The following SSBP3 variants were observed in gnomAD, a reference collection of about 807,000 sequenced individuals.
The protein encoded by SSBP3 is single-stranded DNA-binding protein 3.
Under a neutral mutation model 69.6 loss-of-function variants are expected in SSBP3, and 5 were observed. The observed-to-expected ratio is 0.07, with a 90% CI of 0.04 to 0.15. The LOEUF (loss-of-function observed/expected upper bound fraction) is 0.15. SSBP3 is among the 10% of genes least tolerant of loss of function. The pLI is 1.00. For missense variants in SSBP3, 312 were observed against 534.0 expected (o/e 0.58, Z 4.10); for synonymous variants, 196 against 193.4 (o/e 1.01, Z -0.11).
At chr1:54,394,939 G>A (rs1286252950) in intron 4 of SSBP3, among the ~76,000 whole-genome samples, 1 of 151,600 alleles carries the variant, frequency 6.6e-6, no homozygotes, top group Non-Finnish European at 1.5e-5. Context: ...TCCTGAACTC[G>A]TGATCCGCCA....
rs1317573817 is a variant in SSBP3 at position 54,405,946 on chromosome 1, G to A, written c.56+7C>T. On this transcript the variant is annotated splice_region_variant and intron_variant, in intron 1 of 17. Transcript: ENST00000610401. ...GGCGCGGCCGCCACTTGCAAAATAGGGCTTACTTTTCCCGAGCCTGCCCAT... is the reference window on the plus strand; with the variant it reads ...GGCGCGGCCGCCACTTGCAAAATAGAGCTTACTTTTCCCGAGCCTGCCCAT... 6.5e-6 allele frequency: 9 copies of A among 1,387,108 alleles called. No individual in the cohort carries two copies. The Middle Eastern group carries it at 8.3e-4, about 128-fold the overall frequency. 85.9% of individuals were successfully genotyped at this position (1,387,108 alleles called of 1,614,324 possible). A position where few individuals can be genotyped will look rare whatever the true frequency, so the allele number is the denominator to read the frequency against.
At chr1:54,278,964 C>T (rs916769521) in intron 5 of SSBP3, among the ~76,000 whole-genome samples, 1 of 152,226 alleles carries the variant, frequency 6.6e-6, no homozygotes, top group African/African-American at 2.4e-5. Flanking sequence ...CAGCCAGTAC[C>T]TCCTTCCAGA....
chr1:54,411,674 C>T (rs979974956), intron 1 of SSBP3, among the ~76,000 whole-genome samples: 7 of 151,556 alleles, frequency 4.6e-5, no homozygotes, highest in East Asian at 2.0e-4. Flanking sequence ...AGGCAGATCG[C>T]GAGGTCAGGA....
intron 5 of SSBP3, among the ~76,000 whole-genome samples, chr1:54,268,294 C>G (rs1645136077): frequency 6.6e-6 from 1 of 152,282 alleles, no homozygotes; most frequent in Admixed American, 6.5e-5. Context: ...CATCCCACTT[C>G]TGCCCGCCGG....
intron 4 of SSBP3, among the ~76,000 whole-genome samples, chr1:54,370,417 A>G (rs1025990081): frequency 6.6e-6 from 1 of 152,214 alleles, no homozygotes; most frequent in African/African-American, 2.4e-5. Context: ...GGGTTGGCAG[A>G]AAAAGAGTTA....
chr1:54,271,544 A>G (rs1297433597), intron 5 of SSBP3, among the ~76,000 whole-genome samples: 1 of 152,216 alleles, frequency 6.6e-6, no homozygotes, highest in East Asian at 1.9e-4. Context: ...CCAGGATCAC[A>G]CTGCCAGCCA....
chr1:54,239,352 T>C (rs943875425), intron 13 of SSBP3, among the ~76,000 whole-genome samples, 153 bp from the exon 14 acceptor site: 1 of 152,218 alleles, frequency 6.6e-6, no homozygotes, highest in Non-Finnish European at 1.5e-5. Context: ...TTAATGAAGA[T>C]TCACAAAGTT....
At chr1:54,391,046 TGGCACA>T (rs1248742505) in intron 4 of SSBP3, among the ~76,000 whole-genome samples, 5 of 152,244 alleles carry the variant, frequency 3.3e-5, no homozygotes, top group Admixed American at 2.0e-4. Flanking sequence ...TCCTAAAGGA[TGGCACA>T]GACACAGACA....
intron 4 of SSBP3, among the ~76,000 whole-genome samples, chr1:54,302,590 T>C (rs1645823018): frequency 6.6e-6 from 1 of 152,218 alleles, no homozygotes. Flanking sequence ...CTCTAGCTTT[T>C]AAGCACCCTA....
chr1:54,290,793 G>A (rs1238407751), intron 4 of SSBP3, among the ~76,000 whole-genome samples: 1 of 152,218 alleles, frequency 6.6e-6, no homozygotes, highest in Non-Finnish European at 1.5e-5. Flanking sequence ...TGCAAGACAA[G>A]GAAGATTAAG....
chr1:54,295,897 T>A (rs993840993), intron 4 of SSBP3, among the ~76,000 whole-genome samples: 4 of 152,196 alleles, frequency 2.6e-5, no homozygotes, highest in African/African-American at 9.7e-5. Context: ...CACCCTCCAA[T>A]CCTATATGAG....
intron 4 of SSBP3, among the ~76,000 whole-genome samples, chr1:54,296,346 T>C (rs573332601): frequency 7.0e-4 from 106 of 152,396 alleles, no homozygotes; most frequent in African/African-American, 2.4e-3. Flanking sequence ...AGGACCATTC[T>C]TGACAAGGTC....
At chr1:54,337,661 A>T (rs1646534602) in intron 4 of SSBP3, among the ~76,000 whole-genome samples, 1 of 151,116 alleles carries the variant, frequency 6.6e-6, no homozygotes. Context: ...ACACCCGACT[A>T]ATTTTTGTAT....
chr1:54,282,199 T>TG (rs1203143500), intron 4 of SSBP3, among the ~76,000 whole-genome samples: 2 of 152,348 alleles, frequency 1.3e-5, no homozygotes, highest in South Asian at 4.1e-4. Context: ...TGGCATTATA[T>TG]GGCCCTGGGC....
At chr1:54,383,826 G>A (rs781066088) in intron 4 of SSBP3, among the ~76,000 whole-genome samples, 5 of 152,110 alleles carry the variant, frequency 3.3e-5, no homozygotes, top group African/African-American at 4.8e-5. Context: ...GCAAGAACCG[G>A]CCGGGCACGG....
Position 54,273,941 on chromosome 1 carries a change from AC to A in SSBP3, c.366+7496del, listed in dbSNP as rs139747016. ...TGGAGCCCAGCAGTTGGGGCGCCCCACCTCCTCTCTAATCCTTCTCAGCAGG... is the reference window on the plus strand; with the variant it reads ...TGGAGCCCAGCAGTTGGGGCGCCCCACTCCTCTCTAATCCTTCTCAGCAGG... On this transcript the variant is annotated intron_variant, in intron 5 of 17. Coordinates refer to ENST00000610401, the Ensembl canonical transcript of SSBP3. 2.3e-3 allele frequency among the ~76,000 whole-genome samples: 346 copies of A among 152,070 alleles called. 1 individual carries two copies. Among genetic ancestry groups the A allele is most frequent in the African/African-American group, 7.7e-3 (318 of 41,498 alleles).
chr1:54,402,340 T>G (rs1037179773), intron 3 of SSBP3, among the ~76,000 whole-genome samples: 5 of 152,198 alleles, frequency 3.3e-5, no homozygotes, highest in African/African-American at 1.2e-4. Context: ...GAATCCATAC[T>G]GTTCTAATCT....
chr1:54,282,228 C>CT (rs1317956345), intron 4 of SSBP3, among the ~76,000 whole-genome samples: 4 of 152,228 alleles, frequency 2.6e-5, no homozygotes, highest in Non-Finnish European at 5.9e-5. Context: ...CCCAGCTACT[C>CT]TGAGAAGCTC....
At chr1:54,355,805 C>T (rs1019746401) in intron 4 of SSBP3, among the ~76,000 whole-genome samples, 2 of 152,068 alleles carry the variant, frequency 1.3e-5, no homozygotes, top group African/African-American at 2.4e-5. Flanking sequence ...GAGGGCAAAC[C>T]CCTGCGTACA....
Sources: gnomAD v4.1 joint callset for allele counts (sites outside exome capture counted in the v4.1 genomes callset) on GRCh38, gnomAD v4.1.1 for gene constraint, MANE v1.5 for transcripts, NCBI Gene and HGNC (gene_info 2026-07-23, HGNC 2026-07-21) for gene names.